SLC8A1: variants seen among roughly 807,000 people sequenced by gnomAD.
The protein encoded by SLC8A1 is solute carrier family 8 member A1, also known as sodium/calcium exchanger 1.
SLC8A1 carries 18 observed loss-of-function variants against 68.3 expected under a neutral mutation model. The ratio of observed to expected loss-of-function variants is 0.26; its 90% CI spans 0.18 to 0.39. SLC8A1 has a LOEUF of 0.39. Among genes scored for constraint, SLC8A1 ranks in the 10% least tolerant of loss-of-function variants. The pLI is 1.00. For missense variants in SLC8A1, 985 were observed against 1,156.7 expected (o/e 0.85, Z 2.15); for synonymous variants, 475 against 415.5 (o/e 1.14, Z -1.74).
chr2:40,343,750 T>C (rs1160436063), intron 2 of SLC8A1, among the ~76,000 whole-genome samples: 2 of 152,142 alleles, frequency 1.3e-5, no homozygotes, highest in African/African-American at 4.8e-5. Flanking sequence ...AAAATATGAA[T>C]GGGAAATATA....
At chr2:40,164,833 G>A (rs2046283715) in intron 5 of SLC8A1, 21 bp downstream of exon 8, 1 of 1,612,788 alleles carries the variant, frequency 6.2e-7, no homozygotes, top group South Asian at 1.1e-5. Flanking sequence ...GGCTCCTGGT[G>A]GGCAGTGTTG....
intron 2 of SLC8A1, among the ~76,000 whole-genome samples, chr2:40,244,016 G>T (rs552637571): frequency 6.6e-6 from 1 of 150,804 alleles, no homozygotes; most frequent in East Asian, 2.0e-4. Flanking sequence ...TAGGGTCTGG[G>T]GGACAACGCT....
At chr2:40,109,741 T>A (rs959549884) in exon 8 of SLC8A1, 3 of 152,140 alleles carry the variant, frequency 2.0e-5, no homozygotes, top group Non-Finnish European at 4.4e-5. Flanking sequence ...TAAGACTGTT[T>A]ATTCCCATGG....
chr2:40,178,503 A>G lies in SLC8A1; in HGVS notation c.1809-648T>C. Reference sequence around the variant, plus strand: ...GACTGATATTGTTTTGCTGAAACAGAGAATAGAAATTGACGAACAAGGGGA... The same window carrying G: ...GACTGATATTGTTTTGCTGAAACAGGGAATAGAAATTGACGAACAAGGGGA... On this transcript the variant is annotated intron_variant, in intron 2 of 7. Coordinates refer to ENST00000406785, the Ensembl canonical transcript of SLC8A1. The G allele has an allele frequency of 6.2e-7, 1 of 1,603,098 alleles. No homozygotes were observed. The highest frequency in any genetic ancestry group is 8.5e-7 in the Non-Finnish European group (1 of 1,170,736).
At chr2:40,491,632 A>G (rs567237225) in intron 1 of SLC8A1, among the ~76,000 whole-genome samples, 3 of 152,074 alleles carry the variant, frequency 2.0e-5, no homozygotes, top group Non-Finnish European at 4.4e-5. Flanking sequence ...TGCAATAGAT[A>G]GCTCTTACTG....
At chr2:40,299,073 G>A (rs2070947142) in intron 2 of SLC8A1, among the ~76,000 whole-genome samples, 1 of 143,850 alleles carries the variant, frequency 7.0e-6, no homozygotes, top group Non-Finnish European at 1.5e-5. Context: ...TGATTCTCAA[G>A]CAACACAGTT....
intron 2 of SLC8A1, among the ~76,000 whole-genome samples, chr2:40,394,103 C>A (rs1315498583): frequency 6.6e-6 from 1 of 152,014 alleles, no homozygotes; most frequent in Non-Finnish European, 1.5e-5. Flanking sequence ...CAGTAGTGCA[C>A]AGGACAGCCC....
chr2:40,222,306 GA>G (rs1285081050), intron 2 of SLC8A1, among the ~76,000 whole-genome samples: 12 of 152,126 alleles, frequency 7.9e-5, no homozygotes, highest in African/African-American at 2.9e-4. Flanking sequence ...ATGGTGTTGG[GA>G]AAACTGGCTA....
chr2:40,433,800 G>A (rs561904243), intron 1 of SLC8A1, among the ~76,000 whole-genome samples: 3 of 152,268 alleles, frequency 2.0e-5, no homozygotes, highest in African/African-American at 7.2e-5. Context: ...TAATCTTTGA[G>A]AACTATTGGG....
intron 2 of SLC8A1, among the ~76,000 whole-genome samples, chr2:40,198,204 G>T (rs548966223): frequency 2.6e-4 from 40 of 151,906 alleles, no homozygotes; most frequent in Non-Finnish European, 5.0e-4. Context: ...TGTGAACATT[G>T]GTAAAATATA....
chr2:40,386,813 T>G (rs964338235), intron 2 of SLC8A1, among the ~76,000 whole-genome samples: 1 of 151,204 alleles, frequency 6.6e-6, no homozygotes, highest in South Asian at 2.1e-4. Context: ...TGTGGCTTTG[T>G]GAGTTTTGCC....
At chr2:40,114,996 C>T (rs1255160018) in exon 8 of SLC8A1, 2 of 230,662 alleles carry the variant, frequency 8.7e-6, no homozygotes, top group African/African-American at 4.5e-5. Context: ...AAGGATTTAT[C>T]AACCTGGAGA....
chr2:40,394,674 T>G lies in SLC8A1; in HGVS notation c.1808+33799A>C, dbSNP rs1048703128. 3.9e-5 allele frequency among the ~76,000 whole-genome samples: 6 copies of G among 152,242 alleles called. No individual in the cohort carries two copies. In the East Asian group the frequency reaches 9.7e-4, roughly 25 times the overall value. ...AGAACTGTGATTGCATTTTTCTTCT[T>G]TTTTTCTAACATGTATAGAGTGCCT... On this transcript the variant is annotated intron_variant, in intron 2 of 7. Coordinates refer to ENST00000406785, the Ensembl canonical transcript of SLC8A1.
intron 2 of SLC8A1, among the ~76,000 whole-genome samples, chr2:40,415,253 G>A (rs987095427): frequency 6.6e-6 from 1 of 152,106 alleles, no homozygotes; most frequent in Non-Finnish European, 1.5e-5. Flanking sequence ...TTTTAAAGCT[G>A]GAGGGGACTT....
chr2:40,491,169 G>T (rs1705291812), intron 1 of SLC8A1, among the ~76,000 whole-genome samples: 1 of 152,126 alleles, frequency 6.6e-6, no homozygotes, highest in Non-Finnish European at 1.5e-5. Flanking sequence ...AGAAGCTTAG[G>T]TTTGTAGTTC....
At chr2:40,252,855 T>C (rs186820369) in intron 2 of SLC8A1, among the ~76,000 whole-genome samples, 1 of 137,106 alleles carries the variant, frequency 7.3e-6, no homozygotes, top group African/African-American at 2.9e-5. Context: ...TATGTATATA[T>C]ACACATTTGA....
chr2:40,134,144 T>G (rs2040032369), intron 7 of SLC8A1, among the ~76,000 whole-genome samples: 1 of 151,438 alleles, frequency 6.6e-6, no homozygotes, highest in Non-Finnish European at 1.5e-5. Context: ...CAGGCTGGAG[T>G]GCAGTGGTGC....
intron 4 of SLC8A1, among the ~76,000 whole-genome samples, chr2:40,171,111 C>T (rs188580020): frequency 6.6e-6 from 1 of 152,314 alleles, no homozygotes; most frequent in Admixed American, 6.5e-5. Context: ...GGATTCAGTG[C>T]CACCTCTGCC....
At chr2:40,232,594 TTC>T (rs1289503012) in intron 2 of SLC8A1, among the ~76,000 whole-genome samples, 5 of 120,980 alleles carry the variant, frequency 4.1e-5, no homozygotes, top group Admixed American at 8.5e-5. Flanking sequence ...CAACTTTGTA[TTC>T]TGTTTTTTTT....
Sources: gnomAD v4.1 joint callset for allele counts (sites outside exome capture counted in the v4.1 genomes callset) on GRCh38, gnomAD v4.1.1 for gene constraint, MANE v1.5 for transcripts, NCBI Gene and HGNC (gene_info 2026-07-23, HGNC 2026-07-21) for gene names.